The following HYKK variants were observed in gnomAD, a reference collection of about 807,000 sequenced individuals.
HYKK encodes hydroxylysine kinase, also known as 5-hydroxy-L-lysine kinase.
HYKK carries 19 observed loss-of-function variants against 29.7 expected under a neutral mutation model. The ratio of observed to expected loss-of-function variants is 0.64; its 90% confidence interval spans 0.45 to 0.94. The LOEUF is 0.94. HYKK is among the 40% of genes least tolerant of loss of function. The probability of loss-of-function intolerance (pLI) is 0.00; values close to 1 mark genes in which losing one functional copy is unlikely to be tolerated. For synonymous variants in HYKK, 152 were observed against 158.1 expected (o/e 0.96, Z 0.29); for missense variants, 390 against 443.4 (o/e 0.88, Z 1.08).
At chr15:78,524,547 T>G (rs1394197268) in intron 3 of HYKK, among the ~76,000 whole-genome samples, 4 of 152,202 alleles carry the variant, frequency 2.6e-5, no homozygotes, top group African/African-American at 9.6e-5. Flanking sequence ...TCTTGGCTAT[T>G]AGCGCTTGGC....
At chr15:78,518,684 G>A (rs181302661) in intron 3 of HYKK, 436 of 427,420 alleles carry the variant, frequency 1.0e-3, no homozygotes, top group African/African-American at 2.9e-3. Context: ...TTGGGAGGCC[G>A]AGGCAGGTGG....
At chr15:78,523,069 C>T (rs904453042) in intron 3 of HYKK, among the ~76,000 whole-genome samples, 19 of 152,116 alleles carry the variant, frequency 1.2e-4, no homozygotes, top group Non-Finnish European at 2.9e-5. Context: ...ACAAAGCCAT[C>T]TCAATAAGGG....
downstream of HYKK, among the ~76,000 whole-genome samples, chr15:78,537,030 G>A (rs2052368731): frequency 6.6e-6 from 1 of 152,156 alleles, no homozygotes; most frequent in Admixed American, 6.5e-5. Flanking sequence ...CGGCCCCTCA[G>A]GTTCTTAGGT....
chr15:78,537,319 C>T (rs1390809916), downstream of HYKK: 2 of 661,716 alleles, frequency 3.0e-6, no homozygotes, highest in East Asian at 2.7e-5. Flanking sequence ...CCGTGCCAGG[C>T]CCCTAGAAGA....
At chr15:78,509,049 CAAA>C (rs879784843) in intron 1 of HYKK, among the ~76,000 whole-genome samples, 1 of 142,492 alleles carries the variant, frequency 7.0e-6, no homozygotes, top group Non-Finnish European at 1.5e-5. Flanking sequence ...GTCTCAAAAA[CAAA>C]AAAAAAAAAA....
At chr15:78,514,756 A>G (rs1596027750) in intron 2 of HYKK, among the ~76,000 whole-genome samples, 1 of 151,848 alleles carries the variant, frequency 6.6e-6, no homozygotes, top group African/African-American at 2.4e-5. Flanking sequence ...TGCTTCATCC[A>G]CTCAACTCTG....
chr15:78,509,488 G>A (rs982902136), intron 1 of HYKK, among the ~76,000 whole-genome samples: 1 of 152,184 alleles, frequency 6.6e-6, no homozygotes. Context: ...GGGAACATCT[G>A]GAATAGAAAG....
intron 3 of HYKK, 144 bp downstream of exon 3, chr15:78,515,251 T>A (rs1221075462): frequency 2.0e-6 from 1 of 507,404 alleles, no homozygotes; most frequent in Non-Finnish European, 3.2e-6. Flanking sequence ...CTAGAGTGCA[T>A]ACATTTTATG....
intron 1 of HYKK, among the ~76,000 whole-genome samples, chr15:78,507,986 G>T (rs2052031402): frequency 6.6e-6 from 1 of 152,148 alleles, no homozygotes; most frequent in African/African-American, 2.4e-5. Context: ...CGCCTGGCCG[G>T]TGTCTACTGG....
intron 3 of HYKK, chr15:78,518,786 G>A (rs2052161772): frequency 1.6e-5 from 5 of 314,616 alleles, no homozygotes; most frequent in Non-Finnish European, 1.3e-5. Context: ...ATGGTGGCGG[G>A]CGCCTATAAT....
chr15:78,515,278 C>G (rs2141354938), intron 3 of HYKK, among the ~76,000 whole-genome samples, 171 bp downstream of exon 3: 1 of 152,262 alleles, frequency 6.6e-6, no homozygotes, highest in African/African-American at 2.4e-5. Flanking sequence ...AGGCTAACTT[C>G]TACCTAACTC....
intron 2 of HYKK, 64 bp downstream of exon 2, chr15:78,513,489 A>ATGTT (rs1222273918): frequency 8.6e-7 from 1 of 1,167,008 alleles, no homozygotes; most frequent in Non-Finnish European, 1.2e-6. Flanking sequence ...TTTGGCCACA[A>ATGTT]GTAGAACTAT....
At chr15:78,518,949 T>C (rs2052164320) in intron 3 of HYKK, among the ~76,000 whole-genome samples, 2 of 151,594 alleles carry the variant, frequency 1.3e-5, no homozygotes, top group Non-Finnish European at 2.9e-5. Flanking sequence ...AAACCCCTGT[T>C]GCAGTGTAAA....
intron 1 of HYKK, among the ~76,000 whole-genome samples, chr15:78,511,312 T>C (rs371023742): frequency 3.0e-4 from 45 of 152,192 alleles, no homozygotes; most frequent in East Asian, 1.2e-3. Flanking sequence ...AAGACCTACA[T>C]TGTCTTTCAT....
chr15:78,518,477 C>G, intron 3 of HYKK: 1 of 403,696 alleles, frequency 2.5e-6, no homozygotes, highest in South Asian at 1.8e-5. Flanking sequence ...ACCTGGGCCC[C>G]TTGTTTGTTT....
chr15:78,528,350 G>A (rs531103121), intron 4 of HYKK: 243 of 851,134 alleles, frequency 2.9e-4, no homozygotes, highest in Non-Finnish European at 2.4e-4. Flanking sequence ...TCCTGTCCAT[G>A]GAAAAATTGT....
rs868588509 is a variant in HYKK at position 78,514,906 on chromosome 15, C to A, written c.338-62C>A. On this transcript the variant is annotated intron_variant, in intron 2 of 4. Coordinates refer to ENST00000388988, the MANE Select transcript of HYKK (RefSeq NM_001013619.4). ...TCTAAATACCTCTCTCTCTCTCTCT[C>A]TCTATATATATATATATATATAAAT... 33 of 505,370 alleles carry A rather than the reference C, an allele frequency of 6.5e-5. No homozygotes were observed. The African/African-American group carries it at 7.3e-4, about 11-fold the overall frequency. The allele number at this position is 505,370 out of a possible 1,614,324, so 31.3% of individuals were successfully genotyped here. A position where few individuals can be genotyped will look rare whatever the true frequency, so the allele number is the denominator to read the frequency against.
chr15:78,514,698 G>T (rs1216728995), intron 2 of HYKK, among the ~76,000 whole-genome samples: 1 of 152,264 alleles, frequency 6.6e-6, no homozygotes, highest in Non-Finnish European at 1.5e-5. Flanking sequence ...TTGTTGGTAT[G>T]TAAATGGCCA....
intron 3 of HYKK, chr15:78,518,651 C>T (rs1217755260): frequency 4.4e-6 from 2 of 453,426 alleles, no homozygotes; most frequent in African/African-American, 2.0e-5. Flanking sequence ...GGCGCAGTAG[C>T]TTACGCCTAT....
Sources: gnomAD v4.1 joint callset for allele counts (sites outside exome capture counted in the v4.1 genomes callset) on GRCh38, gnomAD v4.1.1 for gene constraint, MANE v1.5 for transcripts, NCBI Gene and HGNC (gene_info 2026-07-23, HGNC 2026-07-21) for gene names.